CCT4: variants seen among roughly 807,000 people sequenced by gnomAD.
CCT4 encodes the protein T-complex protein 1 subunit delta.
Under a neutral mutation model 62.5 loss-of-function variants are expected in CCT4, and 17 were observed. The ratio of observed to expected loss-of-function variants is 0.27; its 90% CI spans 0.19 to 0.41. The LOEUF (loss-of-function observed/expected upper bound fraction) is 0.41, where lower values mean the gene tolerates loss of function less well. Ranked by LOEUF, CCT4 falls within the 10% of genes least tolerant of loss-of-function variation. The pLI is 1.00. For synonymous variants in CCT4, 250 were observed against 229.9 expected (o/e 1.09, Z -0.79); for missense variants, 592 against 659.2 (o/e 0.90, Z 1.12).
At chr2:61,873,554 CCATTTATT>C (rs1373847648) in intron 8 of CCT4, among the ~76,000 whole-genome samples, 2 of 145,500 alleles carry the variant, frequency 1.4e-5, no homozygotes, top group Non-Finnish European at 3.1e-5. Flanking sequence ...TATTTTTTCC[CCATTTATT>C]TATTTATTTT....
In CCT4 at chr2:61,872,198, C is replaced by T; in HGVS notation, c.1375G>A (p.Glu459Lys). 6.2e-7 allele frequency: 1 copy of T among 1,613,698 alleles called. No individual in the cohort carries two copies. Among genetic ancestry groups the T allele is most frequent in the Non-Finnish European group, 8.5e-7 (1 of 1,179,710 alleles). ...TCAGCTAGTGTAGATGGAATGACCTCCATAGCATCTGCAAAAGCACGAACG... is the reference window on the plus strand; with the variant it reads ...TCAGCTAGTGTAGATGGAATGACCTTCATAGCATCTGCAAAAGCACGAACG... ...YCVRAFADAM[E>K]VIPSTLAENA... The change falls in exon 12 of 14, where the codon GAG becomes AAG. Residue 459 changes from glutamate (E) to lysine (K), a missense_variant. Physicochemically the swap from Glu to Lys is moderately conservative, Grantham distance 56. Transcript: ENST00000394440.
chr2:61,876,970 T>C lies in CCT4; in HGVS notation c.727A>G (p.Lys243Glu). Residue 243 changes from lysine (K) to glutamate (E), a missense_variant, in exon 7 of 14, where the codon AAG becomes GAG. By Grantham distance (56) the Lys-to-Glu change is moderately conservative. Around this residue, in one of 3 missense-constraint regions of CCT4, gnomAD observed 522 missense variants for 571.2 expected, o/e 0.91. Coordinates refer to ENST00000394440, the MANE Select transcript of CCT4 (RefSeq NM_006430.4). ...VSNSGITRVE[K>E]AKIGLIQFCL... Reference sequence around the variant, plus strand: ...AACTGAATAAGCCCAATCTTGGCCTTTTCAACTCTGGTTATGCCAGAATTT... The same window carrying C: ...AACTGAATAAGCCCAATCTTGGCCTCTTCAACTCTGGTTATGCCAGAATTT... 1 of 1,614,000 alleles carries C rather than the reference T, an allele frequency of 6.2e-7. No homozygotes were observed. Among genetic ancestry groups the C allele is most frequent in the Non-Finnish European group, 8.5e-7 (1 of 1,179,884 alleles).
At chr2:61,886,010 G>T (rs1024285018) in intron 1 of CCT4, 2 of 152,198 alleles carry the variant, frequency 1.3e-5, no homozygotes, top group African/African-American at 4.8e-5. Context: ...ATCTCTGAGA[G>T]CAAAGACTTT....
chr2:61,877,113 T>C (rs924512331), intron 6 of CCT4, 61 bp from the exon 7 acceptor site: 26 of 1,425,376 alleles, frequency 1.8e-5, no homozygotes, highest in African/African-American at 8.5e-5. Context: ...GTACGTTTAA[T>C]AGATGAACAG....
At chr2:61,870,664 ATCC>A (rs1223110913) in intron 12 of CCT4, among the ~76,000 whole-genome samples, 1 of 152,210 alleles carries the variant, frequency 6.6e-6, no homozygotes, top group African/African-American at 2.4e-5. Context: ...CACGCCTATA[ATCC>A]TAGCACTTTG....
chr2:61,885,604 GGGTTTCACC>G (rs1256394560), intron 1 of CCT4: 1 of 152,230 alleles, frequency 6.6e-6, no homozygotes, highest in East Asian at 1.9e-4. Context: ...AGTAGAGATG[GGGTTTCACC>G]ATGTCGGCCA....
chr2:61,879,693 A>T (rs1453910490), intron 4 of CCT4, among the ~76,000 whole-genome samples: 1 of 151,938 alleles, frequency 6.6e-6, no homozygotes, highest in Non-Finnish European at 1.5e-5. Context: ...TTCTCTCCCA[A>T]ATCTTCTTTC....
At chr2:61,888,259 T>C (rs950855177) in intron 1 of CCT4, 122 bp downstream of exon 1, 7 of 1,228,010 alleles carry the variant, frequency 5.7e-6, no homozygotes, top group Admixed American at 2.7e-5. Context: ...GGGCTGCTTC[T>C]ATAGGGAGGA....
intron 9 of CCT4, 30 bp downstream of exon 9, chr2:61,873,167 T>C (rs1668921076): frequency 1.4e-6 from 2 of 1,450,242 alleles, no homozygotes; most frequent in Non-Finnish European, 9.7e-7. Flanking sequence ...TATCAGACAT[T>C]TTCCACAAAT....
Position 61,876,160 on chromosome 2 carries a change from T to C in CCT4, c.852A>G (p.Leu284=). 2 of 1,606,530 alleles carry C rather than the reference T, an allele frequency of 1.2e-6. No individual in the cohort carries two copies. Among genetic ancestry groups the C allele is most frequent in the South Asian group, 1.1e-5 (1 of 90,848 alleles). The change falls in exon 8 of 14, where the codon TTA becomes TTG. Residue 284 remains leucine (L), a synonymous_variant. Transcript: ENST00000394440. ...TTTTTTTAATTTGCTTCACTAAATTTAAAATATAGGCTCTCTCTTCTCGCA... is the reference window on the plus strand; with the variant it reads ...TTTTTTTAATTTGCTTCACTAAATTCAAAATATAGGCTCTCTCTTCTCGCA... ...RVLREERAYI[L]NLVKQIKKTG... is the part of the protein sequence containing the mutation.
At chr2:61,888,271 A>G (rs1454789089) in intron 1 of CCT4, 110 bp downstream of exon 1, 8 of 1,330,356 alleles carry the variant, frequency 6.0e-6, no homozygotes, top group Admixed American at 5.0e-5. Context: ...TAGGGAGGAC[A>G]AGAGAGGATC....
At chr2:61,888,020 C>G (rs1284450928) in intron 1 of CCT4, 1 of 203,584 alleles carries the variant, frequency 4.9e-6, no homozygotes, top group Non-Finnish European at 9.8e-6. Flanking sequence ...ACTGTGCATT[C>G]TACCAGTTCC....
intron 12 of CCT4, 122 bp from the exon 13 acceptor site, chr2:61,869,675 A>G: frequency 1.5e-6 from 1 of 647,614 alleles, no homozygotes; most frequent in Admixed American, 2.6e-5. Flanking sequence ...GAAGATTAGA[A>G]TATGATACTC....
chr2:61,868,907 C>G (rs1390018738), intron 13 of CCT4: 1 of 508,832 alleles, frequency 2.0e-6, no homozygotes, highest in African/African-American at 1.9e-5. Flanking sequence ...GAGGCTGAGG[C>G]AGGTGGATCA....
At chr2:61,869,291 G>A in intron 13 of CCT4, 149 bp downstream of exon 13, 1 of 594,834 alleles carries the variant, frequency 1.7e-6, no homozygotes, top group Non-Finnish European at 3.1e-6. Flanking sequence ...AGCCGAGACT[G>A]TGCTACTGTG....
chr2:61,876,912 C>T lies in CCT4; in HGVS notation c.777+8G>A. The T allele has an allele frequency of 6.3e-7, 1 of 1,595,732 alleles. No homozygotes were observed. Among genetic ancestry groups the T allele is most frequent in the Non-Finnish European group, 8.5e-7 (1 of 1,173,604 alleles). The stretch of plus-strand genomic sequence containing the variant: ...ACAGAGAACCAATTTCATTTGGATT[C>T]TACTTACGTCTGTTTTGGGAGCAGA... On this transcript the variant is annotated splice_region_variant and intron_variant, in intron 7 of 13. Transcript: ENST00000394440.
At chr2:61,880,263 G>A in intron 4 of CCT4, 23 bp downstream of exon 4, 1 of 1,280,106 alleles carries the variant, frequency 7.8e-7, no homozygotes, top group Non-Finnish European at 1.1e-6. Flanking sequence ...TCTTTATTCA[G>A]TAATAAAGTA....
At chr2:61,876,576 T>G (rs192695778) in intron 7 of CCT4, among the ~76,000 whole-genome samples, 1 of 152,318 alleles carries the variant, frequency 6.6e-6, no homozygotes, top group Non-Finnish European at 1.5e-5. Flanking sequence ...GGGGTCCCAC[T>G]ATGTTGCCCA....
intron 3 of CCT4, 58 bp from the exon 4 acceptor site, chr2:61,880,452 C>T: frequency 1.1e-6 from 1 of 874,098 alleles, no homozygotes; most frequent in African/African-American, 1.7e-5. Flanking sequence ...CCAGTAACAC[C>T]TAATTCAAAT....
Sources: allele counts gnomAD v4.1 joint callset (sites outside exome capture counted in the v4.1 genomes callset), GRCh38; gene constraint gnomAD v4.1.1; regional missense constraint gnomAD v4.1.1; transcripts MANE v1.5; gene names NCBI Gene and HGNC (gene_info 2026-07-23, HGNC 2026-07-21).